VWA8: variants seen among roughly 807,000 people sequenced by gnomAD.
The protein encoded by VWA8 is von Willebrand factor A domain-containing protein 8.
In VWA8, 221 loss-of-function variants were observed where a neutral mutation model predicts 241.5. The observed-to-expected ratio is 0.91, with a 90% CI of 0.82 to 1.02. VWA8 has a LOEUF of 1.02. Among genes scored for constraint, VWA8 ranks in the 50% least tolerant of loss-of-function variants. VWA8 has a pLI of 0.00. For synonymous variants in VWA8, 852 were observed against 827.1 expected (o/e 1.03, Z -0.52); for missense variants, 2,322 against 2,328.7 (o/e 1.00, Z 0.06).
Position 41,719,576 on chromosome 13 carries a change from C to T in VWA8, c.3116+15G>A, listed in dbSNP as rs2045368998. 6.2e-7 allele frequency: 1 copy of T among 1,612,192 alleles called. No individual in the cohort carries two copies. The highest frequency in any genetic ancestry group is 8.5e-7 in the Non-Finnish European group (1 of 1,178,890). The stretch of plus-strand genomic sequence containing the variant: ...TCAGCATTTAAGAATCAGAAGAGTA[C>T]TGAATTTGCCTTACTCCTTTGCCAG... On this transcript the variant is annotated intron_variant, in intron 26 of 44. Coordinates refer to ENST00000379310, the MANE Select transcript of VWA8 (RefSeq NM_015058.2).
At chr13:41,700,201 G>A (rs758515280) in intron 28 of VWA8, among the ~76,000 whole-genome samples, 3 of 152,042 alleles carry the variant, frequency 2.0e-5, no homozygotes, top group Non-Finnish European at 4.4e-5. Flanking sequence ...AATAAGATAC[G>A]TCATTTAAAT....
intron 43 of VWA8, among the ~76,000 whole-genome samples, chr13:41,573,486 A>AATAAATAAATAAATATATATATAT (rs1555303591): frequency 8.8e-6 from 1 of 113,598 alleles, no homozygotes; most frequent in African/African-American, 3.4e-5. Flanking sequence ...AAAAAAAAAA[A>AATAAATAAATAAATATATATATAT]ATATATATAT....
Position 41,865,936 on chromosome 13 carries a change from T to C in VWA8, c.1313A>G (p.His438Arg). Residue 438 changes from histidine (H) to arginine (R), a missense_variant, in exon 11 of 45, where the codon CAC becomes CGC. Coordinates refer to ENST00000379310, the MANE Select transcript of VWA8 (RefSeq NM_015058.2). ...AATTAAACATATATCTTTAACCATG[T>C]GAGACTGCATCATTTCAGCCTGTAG... ...KQLQAEMMQS[H>R]MVKDICLIGG... 1 of 1,614,256 alleles carries C rather than the reference T, an allele frequency of 6.2e-7. No individual in the cohort carries two copies. Among genetic ancestry groups the C allele is most frequent in the African/African-American group, 1.3e-5 (1 of 75,072 alleles).
intron 42 of VWA8, among the ~76,000 whole-genome samples, chr13:41,576,712 A>C (rs2044352933): frequency 6.6e-6 from 1 of 152,248 alleles, no homozygotes. Context: ...CAGGCTACCA[A>C]CTGTTAAATA....
At chr13:41,838,675 T>C (rs1158949596) in intron 12 of VWA8, among the ~76,000 whole-genome samples, 3 of 152,144 alleles carry the variant, frequency 2.0e-5, no homozygotes, top group African/African-American at 7.2e-5. Flanking sequence ...AAAAATAATA[T>C]GCAAAATATA....
At chr13:41,739,500 C>A (rs1462037717) in intron 21 of VWA8, among the ~76,000 whole-genome samples, 1 of 152,086 alleles carries the variant, frequency 6.6e-6, no homozygotes, top group East Asian at 1.9e-4. Context: ...ATACTCTAAT[C>A]CATGAATTAT....
chr13:41,628,589 C>T (rs1416972509), intron 37 of VWA8, among the ~76,000 whole-genome samples: 1 of 152,202 alleles, frequency 6.6e-6, no homozygotes, highest in East Asian at 1.9e-4. Context: ...CCCTGGAATA[C>T]TATGCAGCCA....
chr13:41,819,277 A>T lies in VWA8; in HGVS notation c.1810T>A (p.Phe604Ile). 6.2e-7 allele frequency: 1 copy of T among 1,613,086 alleles called. No individual in the cohort carries two copies. The highest frequency in any genetic ancestry group is 8.5e-7 in the Non-Finnish European group (1 of 1,179,806). The change falls in exon 15 of 45, where the codon TTT becomes ATT. Residue 604 changes from phenylalanine to isoleucine, a missense_variant. Coordinates refer to ENST00000379310, the MANE Select transcript of VWA8 (RefSeq NM_015058.2). Reference protein sequence around the residue: ...WLGPEFLTMFFFHYMKPLVKS... With the variant: ...WLGPEFLTMFIFHYMKPLVKS... ...ACAAGTGGTTTCATGTAATGGAAAAAGAACATGGTTAAGAATTCTGGTCCC... is the reference window on the plus strand; with the variant it reads ...ACAAGTGGTTTCATGTAATGGAAAATGAACATGGTTAAGAATTCTGGTCCC...
chr13:41,811,203 CA>C (rs1363894262), intron 17 of VWA8, 21 bp downstream of exon 17: 9 of 1,574,394 alleles, frequency 5.7e-6, no homozygotes, highest in Non-Finnish European at 7.8e-6. Flanking sequence ...AACTTACACG[CA>C]GTGAGAAAGA....
chr13:41,868,837 G>A (rs1322763435), intron 9 of VWA8, among the ~76,000 whole-genome samples: 3 of 137,866 alleles, frequency 2.2e-5, no homozygotes, highest in South Asian at 2.3e-4. Context: ...GCAGTGAGCC[G>A]AGATCGCGCC....
intron 17 of VWA8, among the ~76,000 whole-genome samples, chr13:41,797,143 G>A (rs1202229874): frequency 6.6e-6 from 1 of 151,492 alleles, no homozygotes; most frequent in Non-Finnish European, 1.5e-5. Context: ...TGATTCTCCT[G>A]CATCAGCCTC....
At chr13:41,951,679 A>G (rs1202171887) in intron 1 of VWA8, among the ~76,000 whole-genome samples, 4 of 152,188 alleles carry the variant, frequency 2.6e-5, no homozygotes, top group African/African-American at 9.6e-5. Context: ...TGCAAAACTC[A>G]TCTTTCAGCA....
chr13:41,791,341 C>A (rs1869453723), intron 17 of VWA8, among the ~76,000 whole-genome samples: 1 of 151,684 alleles, frequency 6.6e-6, no homozygotes. Context: ...CAGTTGATAA[C>A]ACTGGAAAAA....
chr13:41,711,844 A>G (rs955439634), intron 26 of VWA8, among the ~76,000 whole-genome samples: 2 of 152,156 alleles, frequency 1.3e-5, no homozygotes, highest in Non-Finnish European at 2.9e-5. Flanking sequence ...ACTGCACTCC[A>G]GCCTGGGCGA....
chr13:41,787,393 A>G (rs769740531), intron 18 of VWA8, 44 bp downstream of exon 18: 2 of 1,427,342 alleles, frequency 1.4e-6, no homozygotes, highest in Non-Finnish European at 2.0e-6. Flanking sequence ...AATGTTTGTT[A>G]ATTATTATTT....
intron 35 of VWA8, among the ~76,000 whole-genome samples, chr13:41,678,096 T>C (rs1344922190): frequency 6.6e-6 from 1 of 152,182 alleles, no homozygotes; most frequent in East Asian, 1.9e-4. Context: ...ATGAGGAAAG[T>C]TCCTTTTTAT....
chr13:41,597,231 G>A (rs2044494663), intron 40 of VWA8, among the ~76,000 whole-genome samples: 1 of 152,010 alleles, frequency 6.6e-6, no homozygotes, highest in African/African-American at 2.4e-5. Context: ...ATCTCTTCAT[G>A]CTCAACCAAC....
chr13:41,915,441 T>C (rs1002318348), intron 2 of VWA8, among the ~76,000 whole-genome samples: 1 of 152,208 alleles, frequency 6.6e-6, no homozygotes, highest in African/African-American at 2.4e-5. Flanking sequence ...CTTTGGGAAA[T>C]GAGAAATAAT....
At chr13:41,773,110 T>C (rs1868406758) in intron 20 of VWA8, among the ~76,000 whole-genome samples, 1 of 152,214 alleles carries the variant, frequency 6.6e-6, no homozygotes, top group Non-Finnish European at 1.5e-5. Flanking sequence ...GACTGAACAA[T>C]TGCTACACAT....
Sources: allele counts gnomAD v4.1 joint callset (sites outside exome capture counted in the v4.1 genomes callset), GRCh38; gene constraint gnomAD v4.1.1; transcripts MANE v1.5; gene names NCBI Gene and HGNC (gene_info 2026-07-23, HGNC 2026-07-21).